The following NKAIN2 variants were observed in gnomAD, a reference collection of about 807,000 sequenced individuals.
NKAIN2 encodes the protein sodium/potassium transporting ATPase interacting 2.
In NKAIN2, 14 loss-of-function variants were observed where a neutral mutation model predicts 32.6. The observed-to-expected ratio is 0.43, with a 90% CI of 0.28 to 0.67. NKAIN2 has a LOEUF of 0.67. Ranked by LOEUF, NKAIN2 falls within the 30% of genes least tolerant of loss-of-function variation. NKAIN2 has a pLI of 0.17. For missense variants in NKAIN2, 198 were observed against 258.3 expected, an observed-to-expected ratio of 0.77 and a Z score of 1.60; for synonymous variants, 80 against 87.2, an observed-to-expected ratio of 0.92 and a Z score of 0.46.
At chr6:124,784,748 G>A (rs1582519628) in intron 4 of NKAIN2, among the ~76,000 whole-genome samples, 1 of 152,042 alleles carries the variant, frequency 6.6e-6, no homozygotes, top group Non-Finnish European at 1.5e-5. Context: ...TTGCACTCCT[G>A]TGTAGGAGTG....
chr6:124,039,064 G>T (rs1179545853), intron 1 of NKAIN2, among the ~76,000 whole-genome samples: 1 of 151,914 alleles, frequency 6.6e-6, no homozygotes, highest in Non-Finnish European at 1.5e-5. Context: ...TCTTACATAG[G>T]ATCTTTTTAA....
intron 3 of NKAIN2, among the ~76,000 whole-genome samples, chr6:124,408,097 C>A (rs1040592268): frequency 8.6e-5 from 13 of 151,940 alleles, no homozygotes; most frequent in African/African-American, 3.1e-4. Context: ...TGGATATTAG[C>A]CCTTTGTCAG....
intron 1 of NKAIN2, among the ~76,000 whole-genome samples, chr6:124,102,803 CT>C (rs1264273958): frequency 6.6e-6 from 1 of 152,176 alleles, no homozygotes; most frequent in Non-Finnish European, 1.5e-5. Context: ...TTCATAGTCT[CT>C]AAATGTTTCA....
chr6:123,828,411 A>T (rs1774239452), intron 1 of NKAIN2, among the ~76,000 whole-genome samples: 1 of 152,184 alleles, frequency 6.6e-6, no homozygotes, highest in East Asian at 1.9e-4. Flanking sequence ...AATAAATAAA[A>T]GTTAAGTTAC....
At position 123,942,904 on chromosome 6, in the gene NKAIN2, A is replaced by G. The variant is rs1776885773; in HGVS notation, c.54+138650A>G. 1.3e-5 allele frequency among the ~76,000 whole-genome samples: 2 copies of G among 152,068 alleles called. 1 individual carries two copies. Among genetic ancestry groups the G allele is most frequent in the South Asian group, 4.1e-4 (2 of 4,838 alleles). Reference sequence around the variant, plus strand: ...TCATCCTGTAGGAGTGCTCATTGATACAATAATTGAGTCAAGTACTCTTAC... The same window carrying G: ...TCATCCTGTAGGAGTGCTCATTGATGCAATAATTGAGTCAAGTACTCTTAC... On this transcript the variant is annotated intron_variant, in intron 1 of 6. Transcript: ENST00000368417.
At chr6:124,447,892 G>A (rs968908279) in intron 3 of NKAIN2, among the ~76,000 whole-genome samples, 34 of 152,044 alleles carry the variant, frequency 2.2e-4, no homozygotes, top group African/African-American at 8.0e-4. Flanking sequence ...TCTGTGAAGT[G>A]CTGTCACTCC....
At chr6:123,863,870 A>G (rs1037227825) in intron 1 of NKAIN2, among the ~76,000 whole-genome samples, 3 of 152,090 alleles carry the variant, frequency 2.0e-5, no homozygotes, top group Non-Finnish European at 2.9e-5. Context: ...TTTTTCTGCC[A>G]TAACAATAAT....
At chr6:124,604,127 G>A (rs533679324) in intron 3 of NKAIN2, among the ~76,000 whole-genome samples, 37 of 152,070 alleles carry the variant, frequency 2.4e-4, no homozygotes, top group African/African-American at 8.4e-4. Context: ...CTCTCATAGC[G>A]GAGGATGACT....
chr6:124,281,411 A>G (rs1407875204), intron 1 of NKAIN2, among the ~76,000 whole-genome samples: 1 of 152,194 alleles, frequency 6.6e-6, no homozygotes, highest in African/African-American at 2.4e-5. Context: ...CGTTAACTAT[A>G]TGAGAAAGTT....
intron 4 of NKAIN2, among the ~76,000 whole-genome samples, chr6:124,683,239 A>C (rs1166975028): frequency 1.3e-5 from 2 of 152,170 alleles, no homozygotes; most frequent in Non-Finnish European, 2.9e-5. Context: ...CAGATTCTCA[A>C]CCCTTTAAAT....
At chr6:124,493,707 C>CA (rs979284979) in intron 3 of NKAIN2, among the ~76,000 whole-genome samples, 2 of 37,842 alleles carry the variant, frequency 5.3e-5, no homozygotes, top group African/African-American at 2.2e-4. Flanking sequence ...TGCACACCAA[C>CA]CCCCCCCTCC....
intron 2 of NKAIN2, among the ~76,000 whole-genome samples, chr6:124,341,320 T>A (rs1351750700): frequency 6.6e-6 from 1 of 152,090 alleles, no homozygotes; most frequent in East Asian, 1.9e-4. Flanking sequence ...GACTTTTTAA[T>A]CAACTGAAAA....
intron 5 of NKAIN2, among the ~76,000 whole-genome samples, chr6:124,808,334 G>A (rs563541871): frequency 0.025 from 3,738 of 151,998 alleles, 131 homozygotes; most frequent in African/African-American, 0.083. Context: ...TTCAATATAC[G>A]CAAATCAATA....
Position 124,011,253 on chromosome 6 carries a change from C to T in NKAIN2, c.54+206999C>T, listed in dbSNP as rs369722145. Among the ~76,000 whole-genome samples, 24 of 152,020 alleles carry T rather than the reference C, an allele frequency of 1.6e-4. No homozygotes were observed. The East Asian group carries it at 2.9e-3, about 19-fold the overall frequency. On this transcript the variant is annotated intron_variant, in intron 1 of 6. Transcript: ENST00000368417. ...GAAGGATTCTTTTTCTCCATTCACA[C>T]CTCACTCTCTATCCTTGATATTTTT...
At chr6:124,562,658 G>C (rs1356719187) in intron 3 of NKAIN2, among the ~76,000 whole-genome samples, 7 of 151,994 alleles carry the variant, frequency 4.6e-5, no homozygotes, top group Admixed American at 2.6e-4. Context: ...ACAAGTTACT[G>C]TAAGCAAAAT....
chr6:124,722,864 C>A (rs540530666), intron 4 of NKAIN2, among the ~76,000 whole-genome samples: 1 of 152,322 alleles, frequency 6.6e-6, no homozygotes, highest in South Asian at 2.1e-4. Context: ...TTTACAGTAA[C>A]CATCCTAAAA....
chr6:124,348,725 G>C (rs1490063047), intron 2 of NKAIN2, among the ~76,000 whole-genome samples: 1 of 152,238 alleles, frequency 6.6e-6, no homozygotes, highest in Non-Finnish European at 1.5e-5. Flanking sequence ...CATCTCACTA[G>C]GGAGTGCCAG....
At chr6:124,282,871 G>A (rs756938808) in intron 1 of NKAIN2, 134 bp from the exon 2 acceptor site, 1 of 758,600 alleles carries the variant, frequency 1.3e-6, no homozygotes, top group Non-Finnish European at 2.2e-6. Flanking sequence ...CTCGCTGTTA[G>A]TTAAAGACAA....
intron 4 of NKAIN2, among the ~76,000 whole-genome samples, chr6:124,708,700 C>G (rs1165032853): frequency 6.6e-6 from 1 of 152,094 alleles, no homozygotes; most frequent in Non-Finnish European, 1.5e-5. Flanking sequence ...TATCCTGAGA[C>G]TTTGCTGAAG....
Sources: allele counts gnomAD v4.1 joint callset (sites outside exome capture counted in the v4.1 genomes callset), GRCh38; gene constraint gnomAD v4.1.1; transcripts MANE v1.5; gene names NCBI Gene and HGNC (gene_info 2026-07-23, HGNC 2026-07-21).